Variants in ZBTB20 observed in about 807,000 individuals in gnomAD.
The protein encoded by ZBTB20 is zinc finger and BTB domain containing 20.
Under a neutral mutation model 56.9 loss-of-function variants are expected in ZBTB20, and 9 were observed. The observed-to-expected ratio is 0.16, with a 90% CI of 0.10 to 0.28. The LOEUF is 0.28. ZBTB20 is among the 10% of genes least tolerant of loss of function. ZBTB20 has a pLI of 1.00. For synonymous variants in ZBTB20, 417 were observed against 420.7 expected, an observed-to-expected ratio of 0.99 and a Z score of 0.11; for missense variants, 655 against 1,003.0, an observed-to-expected ratio of 0.65 and a Z score of 4.69.
At chr3:114,721,977 C>G (rs1560169727) in intron 5 of ZBTB20, among the ~76,000 whole-genome samples, 1 of 152,176 alleles carries the variant, frequency 6.6e-6, no homozygotes, top group African/African-American at 2.4e-5. Flanking sequence ...AACCACCAAA[C>G]CGGAAAGCTC....
chr3:114,947,909 T>C lies in ZBTB20; in HGVS notation c.-456+26457A>G, dbSNP rs539591601. On this transcript the variant is annotated intron_variant, in intron 3 of 11. Coordinates refer to ENST00000675478, the MANE Select transcript of ZBTB20 (RefSeq NM_001348800.3). The stretch of plus-strand genomic sequence containing the variant: ...TGAAAAAAAAATAGCACCAATCATA[T>C]ACAACTCTTCCAAGGGTAGAAATAG... 6.2e-5 allele frequency among the ~76,000 whole-genome samples: 9 copies of C among 145,620 alleles called. No individual in the cohort carries two copies. In the East Asian group the frequency reaches 1.5e-3, roughly 25 times the overall value.
intron 6 of ZBTB20, among the ~76,000 whole-genome samples, chr3:114,544,413 C>CTT (rs200397648): frequency 1.1e-4 from 1 of 8,918 alleles, no homozygotes; most frequent in Non-Finnish European, 2.2e-4. Flanking sequence ...TTTCTTCTTT[C>CTT]TTTCTTTCTT....
intron 1 of ZBTB20, among the ~76,000 whole-genome samples, chr3:115,096,107 A>C (rs1265281135): frequency 1.3e-5 from 2 of 152,214 alleles, no homozygotes; most frequent in Admixed American, 1.3e-4. Context: ...ATCCATAGTA[A>C]TTGTATAAAA....
intron 5 of ZBTB20, among the ~76,000 whole-genome samples, chr3:114,716,753 C>T (rs952508797): frequency 3.3e-5 from 5 of 152,058 alleles, no homozygotes; most frequent in East Asian, 1.9e-4. Flanking sequence ...AATGTTTTGG[C>T]GTGGGATTGT....
intron 5 of ZBTB20, among the ~76,000 whole-genome samples, chr3:114,706,538 G>T (rs2063728594): frequency 6.6e-6 from 1 of 152,054 alleles, no homozygotes; most frequent in African/African-American, 2.4e-5. Context: ...TGTGATTGCT[G>T]GCACTCTCAT....
At chr3:114,880,540 A>G (rs138123739) in intron 4 of ZBTB20, among the ~76,000 whole-genome samples, 40 of 152,328 alleles carry the variant, frequency 2.6e-4, no homozygotes, top group African/African-American at 8.9e-4. Context: ...CCCTTAAAAT[A>G]CATATATCTT....
chr3:114,748,322 C>CTTTCTTTCTTTCTTTCT (rs1553807196), intron 5 of ZBTB20, among the ~76,000 whole-genome samples: 142 of 114,246 alleles, frequency 1.2e-3, no homozygotes, highest in South Asian at 1.8e-3. Flanking sequence ...TTCTTTCTTT[C>CTTTCTTTCTTTCTTTCT]TTTCTTTCTT....
intron 3 of ZBTB20, among the ~76,000 whole-genome samples, chr3:114,954,738 T>C (rs562590749): frequency 2.6e-4 from 39 of 152,288 alleles, no homozygotes; most frequent in African/African-American, 7.9e-4. Flanking sequence ...AAGATAAGGT[T>C]TGGGGCACCT....
chr3:114,460,896 GA>G (rs2092299036), intron 7 of ZBTB20, among the ~76,000 whole-genome samples: 1 of 152,162 alleles, frequency 6.6e-6, no homozygotes, highest in Non-Finnish European at 1.5e-5. Flanking sequence ...CCAGTCTTCA[GA>G]AAAATATTGA....
chr3:114,726,911 CAAAAAAAAAAAAAA>C (rs35565597), intron 5 of ZBTB20, among the ~76,000 whole-genome samples: 2 of 49,294 alleles, frequency 4.1e-5, no homozygotes, highest in Non-Finnish European at 6.4e-5. Context: ...GACTCCATCA[CAAAAAAAAAAAAAA>C]AAAAAAAAAA....
chr3:114,843,739 C>T (rs2074506199), intron 4 of ZBTB20, among the ~76,000 whole-genome samples: 1 of 152,010 alleles, frequency 6.6e-6, no homozygotes, highest in African/African-American at 2.4e-5. Flanking sequence ...TGTAGTGGCA[C>T]AATCTTGGCT....
intron 1 of ZBTB20, among the ~76,000 whole-genome samples, chr3:115,072,555 C>A (rs757596402): frequency 3.9e-5 from 6 of 152,168 alleles, no homozygotes; most frequent in Non-Finnish European, 7.4e-5. Flanking sequence ...TTGGTCACAG[C>A]AACGCATAAT....
intron 7 of ZBTB20, among the ~76,000 whole-genome samples, chr3:114,465,972 A>G (rs1019442686): frequency 1.3e-5 from 2 of 152,122 alleles, no homozygotes; most frequent in Non-Finnish European, 2.9e-5. Context: ...TAATTAACAA[A>G]TACATGTATG....
chr3:115,008,162 G>C (rs576096693), intron 2 of ZBTB20, among the ~76,000 whole-genome samples: 22 of 151,952 alleles, frequency 1.4e-4, no homozygotes, highest in Admixed American at 8.5e-4. Context: ...ACATACTGCT[G>C]ACTATGGAAT....
intron 4 of ZBTB20, among the ~76,000 whole-genome samples, chr3:114,861,167 C>T (rs1484767271): frequency 1.3e-5 from 2 of 152,174 alleles, no homozygotes; most frequent in Non-Finnish European, 2.9e-5. Context: ...GTCACCTCTT[C>T]AGGAGACTTA....
At chr3:115,139,474 T>A (rs1004742178) in intron 1 of ZBTB20, among the ~76,000 whole-genome samples, 3 of 152,072 alleles carry the variant, frequency 2.0e-5, no homozygotes, top group African/African-American at 7.2e-5. Flanking sequence ...TCTTTCCTAG[T>A]CAGATTTCTT....
chr3:114,436,190 GC>G (rs2090503247), intron 7 of ZBTB20, among the ~76,000 whole-genome samples: 1 of 152,176 alleles, frequency 6.6e-6, no homozygotes, highest in Non-Finnish European at 1.5e-5. Context: ...ATGCTCCATA[GC>G]CTCCCTTTGA....
At chr3:114,473,510 A>G (rs1383004061) in intron 7 of ZBTB20, among the ~76,000 whole-genome samples, 1 of 152,112 alleles carries the variant, frequency 6.6e-6, no homozygotes, top group Admixed American at 6.6e-5. Flanking sequence ...CCAACCCAGG[A>G]TGTGTCTCAG....
chr3:114,825,148 T>A (rs1372378412), intron 4 of ZBTB20, among the ~76,000 whole-genome samples: 4 of 151,976 alleles, frequency 2.6e-5, no homozygotes, highest in African/African-American at 9.7e-5. Flanking sequence ...TCATCATATC[T>A]AAACATTGAT....
Sources: gnomAD v4.1 joint callset for allele counts (sites outside exome capture counted in the v4.1 genomes callset) on GRCh38, gnomAD v4.1.1 for gene constraint, MANE v1.5 for transcripts, NCBI Gene and HGNC (gene_info 2026-07-23, HGNC 2026-07-21) for gene names.